The following BLZF1 variants were observed in gnomAD, a reference collection of about 807,000 sequenced individuals.
The protein encoded by BLZF1 is golgin-45.
BLZF1 carries 39 observed loss-of-function variants against 43.8 expected under a neutral mutation model. The ratio of observed to expected loss-of-function variants is 0.89; its 90% CI spans 0.69 to 1.16. The LOEUF is 1.16. BLZF1 is among the 50% of genes most tolerant of loss of function. The pLI is 0.00. For missense variants in BLZF1, 449 were observed against 469.8 expected, an observed-to-expected ratio of 0.96 and a Z score of 0.41; for synonymous variants, 136 against 159.4, an observed-to-expected ratio of 0.85 and a Z score of 1.11.
chr1:169,377,147 G>T, intron 3 of BLZF1, 168 bp downstream of exon 3: 1 of 645,832 alleles, frequency 1.5e-6, no homozygotes, highest in Non-Finnish European at 2.7e-6. Context: ...GTTCTCTAGG[G>T]ATACTTTATA....
At chr1:169,384,244 C>T (rs897587933) in intron 6 of BLZF1, among the ~76,000 whole-genome samples, 4 of 152,066 alleles carry the variant, frequency 2.6e-5, no homozygotes, top group Admixed American at 6.6e-5. Flanking sequence ...TGGTAGCTAT[C>T]GTTTTTACTA....
intron 4 of BLZF1, 49 bp from the exon 5 acceptor site, chr1:169,380,432 A>C: frequency 6.6e-7 from 1 of 1,522,852 alleles, no homozygotes. Flanking sequence ...AATTTTTTAC[A>C]CTGTATTATT....
At position 169,379,440 on chromosome 1, in the gene BLZF1, C is replaced by T. The variant is rs183689199; in HGVS notation, c.668+911C>T. ...TTTGGAAAAATGAACTATTTATTCACTTAGAATGAAAGTTAATTGAGTTAA... is the reference window on the plus strand; with the variant it reads ...TTTGGAAAAATGAACTATTTATTCATTTAGAATGAAAGTTAATTGAGTTAA... On this transcript the variant is annotated intron_variant, in intron 4 of 6. Coordinates refer to ENST00000367808, the MANE Select transcript of BLZF1 (RefSeq NM_001320973.2). Among the ~76,000 whole-genome samples, 219 of 151,996 alleles carry T rather than the reference C, an allele frequency of 1.4e-3. 2 individuals carry two copies. The highest frequency in any genetic ancestry group is 2.9e-3 in the South Asian group (14 of 4,830).
rs1400049041 is a variant in BLZF1, at chr1:169,387,233, C to T, written c.*51C>T. 3.3e-6 allele frequency: 5 copies of T among 1,524,482 alleles called. No individual in the cohort carries two copies. The highest frequency in any genetic ancestry group is 1.7e-4 in the Middle Eastern group (1 of 5,852). The allele number at this position is 1,524,482 out of a possible 1,614,324, so 94.4% of individuals were successfully genotyped here. A position where few individuals can be genotyped will look rare whatever the true frequency, so the allele number is the denominator to read the frequency against. On this transcript the variant is annotated 3_prime_UTR_variant, in exon 7 of 7. Coordinates refer to ENST00000367808, the MANE Select transcript of BLZF1 (RefSeq NM_001320973.2). ...AGGTACTTCCTTATTACCCAAGAGT[C>T]ATTATTATTTGGGAGCTGGGGTTCT...
chr1:169,382,704 G>A (rs1255021721), intron 6 of BLZF1, among the ~76,000 whole-genome samples: 2 of 152,106 alleles, frequency 1.3e-5, no homozygotes, highest in African/African-American at 4.8e-5. Flanking sequence ...GTATAGTCCT[G>A]GATGAATTCA....
downstream of BLZF1, among the ~76,000 whole-genome samples, chr1:169,392,864 G>A (rs148174793): frequency 9.4e-4 from 143 of 152,240 alleles, 1 homozygote; most frequent in Middle Eastern, 3.4e-3. Flanking sequence ...TGCAGGTACC[G>A]AGAGCATGGA....
downstream of BLZF1, among the ~76,000 whole-genome samples, chr1:169,389,108 C>T (rs917865657): frequency 9.7e-5 from 14 of 143,980 alleles, no homozygotes; most frequent in East Asian, 1.0e-3. Flanking sequence ...GGTGACGGAG[C>T]GAAACTCTGT....
chr1:169,371,155 C>A (rs1181924053), intron 2 of BLZF1, among the ~76,000 whole-genome samples: 3 of 152,080 alleles, frequency 2.0e-5, no homozygotes, highest in African/African-American at 7.2e-5. Context: ...TCATAAGTCA[C>A]CAGAAGGCTT....
chr1:169,379,567 A>G (rs1056666025), intron 4 of BLZF1, among the ~76,000 whole-genome samples: 2 of 152,038 alleles, frequency 1.3e-5, no homozygotes, highest in African/African-American at 4.8e-5. Flanking sequence ...GTAACATTTC[A>G]TTAGATTTTT....
intron 2 of BLZF1, 98 bp from the exon 3 acceptor site, chr1:169,376,442 T>G: frequency 2.0e-6 from 2 of 1,007,038 alleles, no homozygotes; most frequent in Non-Finnish European, 2.7e-6. Context: ...GCATTCTTTT[T>G]AGTGCCAGTA....
At chr1:169,391,700 T>G (rs1481007037), downstream of BLZF1, among the ~76,000 whole-genome samples, 2 of 152,182 alleles carry the variant, frequency 1.3e-5, no homozygotes. Flanking sequence ...ATGTAAGTGA[T>G]TAACTTCTTT....
At chr1:169,392,965 G>A (rs1654851047), downstream of BLZF1, among the ~76,000 whole-genome samples, 1 of 152,080 alleles carries the variant, frequency 6.6e-6, no homozygotes, top group Non-Finnish European at 1.5e-5. Flanking sequence ...AGAAACAGAA[G>A]TGTTTCTCTG....
At position 169,388,075 on chromosome 1, in the gene BLZF1, T is replaced by A. The variant is rs900384893; in HGVS notation, c.*893T>A. ...AATATATACTATGTAATATATATTA[T>A]TGTGTATTTATGATTAGCCATCATA... is the stretch of plus-strand genomic sequence containing the variant. On this transcript the variant is annotated 3_prime_UTR_variant, in exon 7 of 7. Transcript: ENST00000367808. 1 of 152,158 alleles carries A rather than the reference T, an allele frequency of 6.6e-6. No individual in the cohort carries two copies. Among genetic ancestry groups the A allele is most frequent in the Non-Finnish European group, 1.5e-5 (1 of 68,012 alleles). 9.4% of individuals were successfully genotyped at this position (152,158 alleles called of 1,614,324 possible).
At chr1:169,377,612 T>C (rs1198553826) in intron 3 of BLZF1, among the ~76,000 whole-genome samples, 1 of 152,044 alleles carries the variant, frequency 6.6e-6, no homozygotes, top group African/African-American at 2.4e-5. Flanking sequence ...CAAATTTATG[T>C]GTAAAAATTT....
At chr1:169,386,531 G>T (rs1195021914) in intron 6 of BLZF1, among the ~76,000 whole-genome samples, 2 of 151,610 alleles carry the variant, frequency 1.3e-5, no homozygotes, top group Non-Finnish European at 2.9e-5. Flanking sequence ...TACAAAAAAT[G>T]AGCCGGGCAT....
At chr1:169,395,807 TG>T (rs1239834935) in intron 7 of BLZF1, 1 of 151,498 alleles carries the variant, frequency 6.6e-6, no homozygotes, top group Non-Finnish European at 1.5e-5. Context: ...ATACCTGGTA[TG>T]TAAGTGTGTA....
chr1:169,376,731 A>G lies in BLZF1; in HGVS notation c.220A>G (p.Met74Val), dbSNP rs369097632. 2.0e-5 allele frequency: 32 copies of G among 1,613,278 alleles called. No homozygotes were observed. The highest frequency in any genetic ancestry group is 2.6e-5 in the Non-Finnish European group (31 of 1,179,614). Residue 74 changes from methionine to valine, a missense_variant, in exon 3 of 7, where the codon ATG becomes GTG. By Grantham distance (21) the Met-to-Val change is conservative. Coordinates refer to ENST00000367808, the MANE Select transcript of BLZF1 (RefSeq NM_001320973.2). ...AGGGAAAATGCTCACTGAAAAAGCA[A>G]TGGAAGTTAAAGCTGTAAGAATATT... ...QLGKMLTEKA[M>V]EVKAVRILVP... is the part of the protein sequence containing the mutation.
downstream of BLZF1, among the ~76,000 whole-genome samples, chr1:169,392,152 T>A (rs1018469881): frequency 6.6e-6 from 1 of 151,954 alleles, no homozygotes; most frequent in African/African-American, 2.4e-5. Context: ...GACTGTATTA[T>A]TAAGATGGCA....
intron 4 of BLZF1, among the ~76,000 whole-genome samples, chr1:169,379,956 T>G (rs1654474488): frequency 6.6e-6 from 1 of 151,972 alleles, no homozygotes; most frequent in East Asian, 1.9e-4. Flanking sequence ...TTTTAACACA[T>G]GTATATGTTG....
Sources: allele counts gnomAD v4.1 joint callset (sites outside exome capture counted in the v4.1 genomes callset), GRCh38; gene constraint gnomAD v4.1.1; transcripts MANE v1.5; gene names NCBI Gene and HGNC (gene_info 2026-07-23, HGNC 2026-07-21).